The following RHPN2 variants were observed in gnomAD, a reference collection of about 807,000 sequenced individuals.
RHPN2 encodes rhophilin Rho GTPase binding protein 2.
Under a neutral mutation model 79.0 loss-of-function variants are expected in RHPN2, and 40 were observed. The observed-to-expected ratio is 0.51, with a 90% CI of 0.39 to 0.66. The LOEUF (loss-of-function observed/expected upper bound fraction) is 0.66. Ranked by LOEUF, RHPN2 falls within the 30% of genes least tolerant of loss-of-function variation. The pLI is 0.00. For synonymous variants in RHPN2, 285 were observed against 363.5 expected, an observed-to-expected ratio of 0.78 and a Z score of 2.46; for missense variants, 686 against 883.5, an observed-to-expected ratio of 0.78 and a Z score of 2.83.
chr19:33,001,538 A>G (rs1387470558), intron 9 of RHPN2, among the ~76,000 whole-genome samples: 1 of 152,104 alleles, frequency 6.6e-6, no homozygotes, highest in Non-Finnish European at 1.5e-5. Flanking sequence ...ATAAAATAAA[A>G]TAAATAAAAT....
chr19:32,998,849 GGAGGGA>G (rs1360995652), intron 10 of RHPN2, among the ~76,000 whole-genome samples: 1 of 126,236 alleles, frequency 7.9e-6, no homozygotes, highest in African/African-American at 3.0e-5. Flanking sequence ...AGGAAGGAGG[GGAGGGA>G]GAGGGAGGAC....
chr19:33,042,636 A>G (rs556887190), intron 2 of RHPN2, among the ~76,000 whole-genome samples: 31 of 152,322 alleles, frequency 2.0e-4, no homozygotes, highest in African/African-American at 7.5e-4. Flanking sequence ...TCCGTGAGTA[A>G]CAAAAGCAAC....
intron 1 of RHPN2, among the ~76,000 whole-genome samples, chr19:33,048,485 G>T (rs1972159932): frequency 6.6e-6 from 1 of 151,070 alleles, no homozygotes; most frequent in South Asian, 2.1e-4. Context: ...CAGCACTTTG[G>T]GAGGCTGAGG....
chr19:33,030,522 G>A (rs1163908827), intron 2 of RHPN2, among the ~76,000 whole-genome samples: 1 of 152,110 alleles, frequency 6.6e-6, no homozygotes, highest in Non-Finnish European at 1.5e-5. Flanking sequence ...GAACCCGGGA[G>A]GTGGAGGTTG....
intron 1 of RHPN2, among the ~76,000 whole-genome samples, chr19:33,049,451 C>G (rs116034598): frequency 1.3e-5 from 2 of 152,194 alleles, no homozygotes; most frequent in African/African-American, 4.8e-5. Flanking sequence ...CAAAGCCGCT[C>G]TGAGACTGGA....
In RHPN2 at chr19:33,044,311, A is replaced by G. The variant is rs1234696635; in HGVS notation, c.123T>C (p.Ala41=). 3.1e-6 allele frequency: 5 copies of G among 1,614,040 alleles called. No homozygotes were observed. The highest frequency in any genetic ancestry group is 3.4e-6 in the Non-Finnish European group (4 of 1,180,040). Residue 41 remains alanine, a synonymous_variant, in exon 2 of 15, where the codon GCT becomes GCC. Transcript: ENST00000254260. ...TGRSKLQNQR[A]ALNQQILKAV... ...CTTTCAGGATCTGCTGATTCAAAGC[A>G]GCTCTTTGATTCTGCAATTTACTCC...
At chr19:33,027,248 CAAAAAAAAAAAAA>C (rs541616607) in intron 2 of RHPN2, 2 of 42,342 alleles carry the variant, frequency 4.7e-5, no homozygotes, top group African/African-American at 1.9e-4. Flanking sequence ...GGCTCCCTCT[CAAAAAAAAAAAAA>C]AAAAAAAAAA....
intron 2 of RHPN2, among the ~76,000 whole-genome samples, chr19:33,034,027 T>TTTTTTTTTTAATTTTAG: frequency 7.8e-6 from 1 of 127,754 alleles, no homozygotes; most frequent in South Asian, 3.4e-4. Context: ...GGCAAAACAT[T>TTTTTTTTTTAATTTTAG]TTTTTTTTTA....
At chr19:33,019,396 A>G (rs1971905047) in intron 4 of RHPN2, among the ~76,000 whole-genome samples, 1 of 151,924 alleles carries the variant, frequency 6.6e-6, no homozygotes, top group Non-Finnish European at 1.5e-5. Flanking sequence ...CCTGACCAAC[A>G]TGGAGAAACC....
At position 32,979,907 on chromosome 19, in the gene RHPN2, T is replaced by C; in HGVS notation, c.*89A>G. The C allele has an allele frequency of 1.4e-6, 2 of 1,449,532 alleles. No homozygotes were observed. Among genetic ancestry groups the C allele is most frequent in the Admixed American group, 1.7e-5 (1 of 58,744 alleles). 89.8% of individuals were successfully genotyped at this position (1,449,532 alleles called of 1,614,324 possible). A position where few individuals can be genotyped will look rare whatever the true frequency, so the allele number is the denominator to read the frequency against. On this transcript the variant is annotated 3_prime_UTR_variant, in exon 15 of 15. Transcript: ENST00000254260. ...GAGAAAAACAGGATTTGAGAACAGA[T>C]AGATAGATATTTTCCATTATGGCAC...
intron 7 of RHPN2, among the ~76,000 whole-genome samples, chr19:33,006,835 A>G (rs1032170756): frequency 1.1e-4 from 16 of 152,324 alleles, no homozygotes; most frequent in Non-Finnish European, 2.4e-4. Context: ...TGAGGTCAGG[A>G]GTTTGAGACC....
intron 1 of RHPN2, among the ~76,000 whole-genome samples, chr19:33,049,450 T>C (rs1487426516): frequency 6.6e-6 from 1 of 152,064 alleles, no homozygotes; most frequent in Non-Finnish European, 1.5e-5. Flanking sequence ...ACAAAGCCGC[T>C]CTGAGACTGG....
At chr19:33,024,766 C>T (rs527400505) in intron 3 of RHPN2, among the ~76,000 whole-genome samples, 30 of 152,282 alleles carry the variant, frequency 2.0e-4, no homozygotes, top group Non-Finnish European at 3.8e-4. Flanking sequence ...AGAAGCATTT[C>T]GCTTAGGGTT....
chr19:33,002,452 C>T, intron 8 of RHPN2, 49 bp from the exon 9 acceptor site: 1 of 1,609,450 alleles, frequency 6.2e-7, no homozygotes, highest in Non-Finnish European at 8.5e-7. Flanking sequence ...CAAGGGCCCT[C>T]ATGAACCCAT....
At chr19:33,031,230 A>ATTCTC (rs1972008621) in intron 2 of RHPN2, among the ~76,000 whole-genome samples, 1 of 151,000 alleles carries the variant, frequency 6.6e-6, no homozygotes, top group Non-Finnish European at 1.5e-5. Flanking sequence ...ATTCTATTCT[A>ATTCTC]TTCTATTCTA....
intron 2 of RHPN2, among the ~76,000 whole-genome samples, chr19:33,031,880 C>T (rs1039788643): frequency 6.6e-6 from 1 of 151,816 alleles, no homozygotes; most frequent in Admixed American, 6.6e-5. Flanking sequence ...CCACCACGCC[C>T]GGCTAATTTA....
chr19:33,008,343 T>C (rs143257971), intron 6 of RHPN2, among the ~76,000 whole-genome samples, 163 bp from the exon 7 acceptor site: 2 of 151,856 alleles, frequency 1.3e-5, no homozygotes, highest in Non-Finnish European at 2.9e-5. Flanking sequence ...CCTTCAACTT[T>C]AGGGCTCAGT....
intron 2 of RHPN2, among the ~76,000 whole-genome samples, chr19:33,029,242 A>G (rs1424721864): frequency 6.6e-6 from 1 of 152,094 alleles, no homozygotes; most frequent in Non-Finnish European, 1.5e-5. Flanking sequence ...AAGTCCAGGA[A>G]TAGGCCGGGT....
chr19:33,051,213 A>G (rs1972183716), intron 1 of RHPN2, among the ~76,000 whole-genome samples: 1 of 152,134 alleles, frequency 6.6e-6, no homozygotes, highest in Admixed American at 6.5e-5. Flanking sequence ...GCTGGTCTCA[A>G]ACTCCTGGAC....
Sources: gnomAD v4.1 joint callset for allele counts (sites outside exome capture counted in the v4.1 genomes callset) on GRCh38, gnomAD v4.1.1 for gene constraint, MANE v1.5 for transcripts, NCBI Gene and HGNC (gene_info 2026-07-23, HGNC 2026-07-21) for gene names.